Variants in ARID3A observed in about 807,000 individuals in gnomAD.
ARID3A encodes the protein AT-rich interactive domain-containing protein 3A.
In ARID3A, 11 loss-of-function variants were observed where a neutral mutation model predicts 52.7. The observed-to-expected ratio is 0.21, with a 90% confidence interval of 0.13 to 0.35. The LOEUF (loss-of-function observed/expected upper bound fraction) is 0.35. Among genes scored for constraint, ARID3A ranks in the 10% least tolerant of loss-of-function variants. ARID3A has a pLI of 1.00. For missense variants in ARID3A, 721 were observed against 838.5 expected, an observed-to-expected ratio of 0.86 and a Z score of 1.73; for synonymous variants, 404 against 359.4, an observed-to-expected ratio of 1.12 and a Z score of -1.40.
chr19:966,782 A>T lies in ARID3A; in HGVS notation c.1409A>T (p.Gln470Leu). Residue 470 changes from glutamine (Q) to leucine (L), a missense_variant, in exon 7 of 9, where the codon CAG becomes CTG. By Grantham distance (113) the Gln-to-Leu change is moderately radical. Coordinates refer to ENST00000263620, the MANE Select transcript of ARID3A (RefSeq NM_005224.3). ...EKKMALVADEQQRLMQRALQQ... is the reference protein window; with the variant it reads ...EKKMALVADELQRLMQRALQQ... ...AAGATGGCCCTGGTGGCCGATGAGC[A>T]GCAACGGCTGATGCAACGTGCACTC... 6.2e-7 allele frequency: 1 copy of T among 1,613,660 alleles called. No homozygotes were observed.
At chr19:945,255 C>T (rs1377062154) in intron 3 of ARID3A, among the ~76,000 whole-genome samples, 1 of 152,260 alleles carries the variant, frequency 6.6e-6, no homozygotes, top group East Asian at 1.9e-4. Context: ...GCCTCAGTTT[C>T]CCCGCCCGTA....
intron 3 of ARID3A, among the ~76,000 whole-genome samples, chr19:939,970 G>A (rs572287959): frequency 3.8e-4 from 58 of 152,102 alleles, no homozygotes; most frequent in Non-Finnish European, 1.6e-4. Flanking sequence ...GGGGTCTGCC[G>A]TGGCCTCGCC....
At chr19:954,467 A>G (rs576406985) in intron 3 of ARID3A, among the ~76,000 whole-genome samples, 39 of 152,366 alleles carry the variant, frequency 2.6e-4, no homozygotes, top group Admixed American at 1.7e-3. Flanking sequence ...AAGCAAGTTC[A>G]TTTAACATGC....
chr19:941,472 C>T lies in ARID3A; in HGVS notation c.693+8730C>T, dbSNP rs566498827. On this transcript the variant is annotated intron_variant, in intron 3 of 8. Coordinates refer to ENST00000263620, the MANE Select transcript of ARID3A (RefSeq NM_005224.3). This position sits in a 1 kb window ranked among gnomAD's most constrained non-coding sequence, Gnocchi z 6.9. ...TGTCCCCAGCCAGCACCACGGTGTTCGTTTAGGTCTCTGTGTGCCGAGTGA... is the reference window on the plus strand; with the variant it reads ...TGTCCCCAGCCAGCACCACGGTGTTTGTTTAGGTCTCTGTGTGCCGAGTGA... Among the ~76,000 whole-genome samples, 1 of 152,334 alleles carries T rather than the reference C, an allele frequency of 6.6e-6. No homozygotes were observed. Among genetic ancestry groups the T allele is most frequent in the Admixed American group, 6.5e-5 (1 of 15,304 alleles).
Position 960,222 on chromosome 19 carries a change from G to A in ARID3A, c.766+58G>A. On this transcript the variant is annotated intron_variant, in intron 4 of 8. Coordinates refer to ENST00000263620, the MANE Select transcript of ARID3A (RefSeq NM_005224.3). The surrounding 1 kb of genome is among the most constrained non-coding windows in gnomAD (Gnocchi z 4.3). ...GGTCACAGAAACAGGGCTGTAGGAGGGGCCCTACTGGCTCCAGGTATGTCG... is the reference window on the plus strand; with the variant it reads ...GGTCACAGAAACAGGGCTGTAGGAGAGGCCCTACTGGCTCCAGGTATGTCG... 1.3e-6 allele frequency: 2 copies of A among 1,495,252 alleles called. No homozygotes were observed. Among genetic ancestry groups the A allele is most frequent in the South Asian group, 1.2e-5 (1 of 83,426 alleles). 92.6% of individuals were successfully genotyped at this position (1,495,252 alleles called of 1,614,324 possible).
At chr19:951,987 A>G (rs1348852204) in intron 3 of ARID3A, among the ~76,000 whole-genome samples, 2 of 151,958 alleles carry the variant, frequency 1.3e-5, no homozygotes, top group East Asian at 1.9e-4. Context: ...AATTTAAAAA[A>G]AAAATTAGCC....
intron 4 of ARID3A, among the ~76,000 whole-genome samples, chr19:962,459 C>T (rs945155949): frequency 2.0e-5 from 3 of 151,948 alleles, no homozygotes; most frequent in East Asian, 1.9e-4. Context: ...ATCCTCCTCC[C>T]GCCCACTGCA....
At chr19:927,956 T>C (rs530451297) in intron 1 of ARID3A, among the ~76,000 whole-genome samples, 23 of 152,178 alleles carry the variant, frequency 1.5e-4, no homozygotes, top group South Asian at 8.3e-4. Flanking sequence ...AAAGGGTGTC[T>C]AGGGCAGAGG....
chr19:939,728 C>T (rs1251432432), intron 3 of ARID3A, among the ~76,000 whole-genome samples: 1 of 152,092 alleles, frequency 6.6e-6, no homozygotes, highest in Non-Finnish European at 1.5e-5. Flanking sequence ...TGGACGTTCC[C>T]CTCGTGGCGC....
rs754849367 is a variant in ARID3A, at chr19:929,759, C to T, written c.231C>T (p.Ser77=). The change falls in exon 2 of 9, where the codon AGC becomes AGT. Residue 77 remains serine (S), a synonymous_variant. Transcript: ENST00000263620. The surrounding 1 kb of genome is among the most constrained non-coding windows in gnomAD (Gnocchi z 6.2). ...AAAAGLGHPA[S]PGGSEDGPPG... ...CTGCGGGCCTGGGACACCCAGCCAG[C>T]CCCGGCGGCTCTGAGGATGGGCCCC... 1.2e-5 allele frequency: 19 copies of T among 1,552,682 alleles called. No homozygotes were observed. Among genetic ancestry groups the T allele is most frequent in the Admixed American group, 9.6e-5 (5 of 52,120 alleles).
chr19:958,785 CGG>C (rs2145437115), intron 3 of ARID3A, among the ~76,000 whole-genome samples: 1 of 151,450 alleles, frequency 6.6e-6, no homozygotes, highest in East Asian at 2.0e-4. Flanking sequence ...CCCAGCTACT[CGG>C]GAGGCTGAGG....
chr19:940,994 G>C (rs111826095), intron 3 of ARID3A, among the ~76,000 whole-genome samples: 1 of 152,084 alleles, frequency 6.6e-6, no homozygotes, highest in East Asian at 1.9e-4. Flanking sequence ...TGACTCAGCC[G>C]GAAGAGCCTT....
chr19:951,864 A>G (rs2037808923), intron 3 of ARID3A, among the ~76,000 whole-genome samples: 1 of 152,174 alleles, frequency 6.6e-6, no homozygotes, highest in Non-Finnish European at 1.5e-5. Context: ...GGCTGGGCAC[A>G]GTGGCTCATA....
chr19:947,311 T>TTTCC lies in ARID3A; in HGVS notation c.694-12780_694-12777dup, dbSNP rs2037707666. 6.6e-6 allele frequency among the ~76,000 whole-genome samples: 1 copy of TTTCC among 152,108 alleles called. No individual in the cohort carries two copies. The highest frequency in any genetic ancestry group is 2.1e-4 in the South Asian group (1 of 4,832). On this transcript the variant is annotated intron_variant, in intron 3 of 8. Transcript: ENST00000263620. The surrounding 1 kb of genome is among the most constrained non-coding windows in gnomAD (Gnocchi z 6.3). Reference sequence around the variant, plus strand: ...TCTATTAGGGACTGCGGGCCCCAGATTTCCACGTCATATCTCGCCGCCATG... The same window carrying TTTCC: ...TCTATTAGGGACTGCGGGCCCCAGATTTCCTTCCACGTCATATCTCGCCGCCATG...
Position 951,454 on chromosome 19 carries a change from G to C in ARID3A, c.694-8638G>C, listed in dbSNP as rs546948675. Among the ~76,000 whole-genome samples, 522 of 152,190 alleles carry C rather than the reference G, an allele frequency of 3.4e-3. 2 individuals are homozygous for C. Among genetic ancestry groups the C allele is most frequent in the Non-Finnish European group, 4.5e-3 (303 of 67,994 alleles). ...TGCCTGTGGTCCCACCTAATCGGGAGGCTGAGGTGGGAGGATCACTTGAGC... is the reference window on the plus strand; with the variant it reads ...TGCCTGTGGTCCCACCTAATCGGGACGCTGAGGTGGGAGGATCACTTGAGC... On this transcript the variant is annotated intron_variant, in intron 3 of 8. Coordinates refer to ENST00000263620, the MANE Select transcript of ARID3A (RefSeq NM_005224.3).
intron 3 of ARID3A, among the ~76,000 whole-genome samples, chr19:952,544 A>G (rs1000508164): frequency 6.6e-6 from 1 of 151,232 alleles, no homozygotes; most frequent in African/African-American, 2.4e-5. Context: ...AGTCAGGCCA[A>G]CCCTCCTGGA....
chr19:970,158 C>A (rs1429627431), intron 8 of ARID3A, among the ~76,000 whole-genome samples: 3 of 151,824 alleles, frequency 2.0e-5, no homozygotes, highest in Non-Finnish European at 2.9e-5. Flanking sequence ...CCTAAAAATA[C>A]AAGAATTAGC....
At chr19:969,261 G>T (rs1447684828) in intron 8 of ARID3A, among the ~76,000 whole-genome samples, 1 of 152,050 alleles carries the variant, frequency 6.6e-6, no homozygotes, top group Non-Finnish European at 1.5e-5. Flanking sequence ...TCTAGGCTGG[G>T]TGCAGTGGCT....
At chr19:927,220 C>T (rs2037219708) in intron 1 of ARID3A, among the ~76,000 whole-genome samples, 1 of 152,132 alleles carries the variant, frequency 6.6e-6, no homozygotes, top group Admixed American at 6.5e-5. Context: ...GCCCCCCACC[C>T]CTGCCTGGTC....
Sources: allele counts gnomAD v4.1 joint callset (sites outside exome capture counted in the v4.1 genomes callset), GRCh38; gene constraint gnomAD v4.1.1; non-coding constraint Gnocchi (gnomAD v3.1); transcripts MANE v1.5; gene names NCBI Gene and HGNC (gene_info 2026-07-23, HGNC 2026-07-21).